Variants in KIAA1671 observed in about 807,000 individuals in gnomAD.
KIAA1671 encodes the protein KIAA1671.
In KIAA1671, 52 loss-of-function variants were observed where a neutral mutation model predicts 131.2. That is an observed-to-expected ratio of 0.40 (90% CI 0.32 to 0.50). The LOEUF (loss-of-function observed/expected upper bound fraction) is 0.50. Ranked by LOEUF, KIAA1671 falls within the 20% of genes least tolerant of loss-of-function variation. The pLI, the probability that KIAA1671 is intolerant of heterozygous loss-of-function variation, is 0.73. For missense variants in KIAA1671, 2,360 were observed against 2,364.2 expected (o/e 1.00, Z 0.04); for synonymous variants, 1,003 against 961.6 (o/e 1.04, Z -0.80).
intron 1 of KIAA1671, among the ~76,000 whole-genome samples, chr22:25,020,093 G>GT (rs1250284333): frequency 6.6e-6 from 1 of 152,214 alleles, no homozygotes; most frequent in Non-Finnish European, 1.5e-5. Context: ...TTGAAAAGAA[G>GT]TAAGTGTTTT....
intron 10 of KIAA1671, among the ~76,000 whole-genome samples, chr22:25,183,469 C>T (rs1274693264): frequency 1.0e-5 from 1 of 96,144 alleles, no homozygotes; most frequent in East Asian, 4.3e-4. Flanking sequence ...TCCCTCTCTT[C>T]CTTCCTTCCT....
intron 1 of KIAA1671, among the ~76,000 whole-genome samples, chr22:24,955,163 G>T (rs1921627672): frequency 6.6e-6 from 1 of 152,192 alleles, no homozygotes; most frequent in African/African-American, 2.4e-5. Flanking sequence ...TCCTCACCAG[G>T]CTACATCTCT....
At chr22:25,149,715 C>T (rs1452540596) in intron 6 of KIAA1671, among the ~76,000 whole-genome samples, 2 of 152,032 alleles carry the variant, frequency 1.3e-5, no homozygotes, top group African/African-American at 2.4e-5. Flanking sequence ...CTCCACTAGT[C>T]CCCGGACTCC....
At chr22:25,105,275 G>A (rs1056807564) in intron 6 of KIAA1671, among the ~76,000 whole-genome samples, 23 of 152,058 alleles carry the variant, frequency 1.5e-4, no homozygotes, top group African/African-American at 5.3e-4. Flanking sequence ...ACCCACCTGA[G>A]CCTCCCAAAG....
At chr22:24,989,778 T>C (rs1923742924) in intron 1 of KIAA1671, among the ~76,000 whole-genome samples, 1 of 152,040 alleles carries the variant, frequency 6.6e-6, no homozygotes, top group Non-Finnish European at 1.5e-5. Flanking sequence ...TTGTCTTAGC[T>C]GCAATTTTGG....
chr22:24,990,376 C>T (rs376889222), intron 1 of KIAA1671, among the ~76,000 whole-genome samples: 1 of 152,204 alleles, frequency 6.6e-6, no homozygotes, highest in Non-Finnish European at 1.5e-5. Flanking sequence ...AAGGTGTGAG[C>T]CACCTTGCCT....
chr22:25,041,296 C>G lies in KIAA1671; in HGVS notation c.4166C>G (p.Ala1389Gly). 6.4e-7 allele frequency: 1 copy of G among 1,551,730 alleles called. No homozygotes were observed. The change falls in exon 5 of 13, where the codon GCC becomes GGC. Residue 1389 changes from alanine to glycine, a missense_variant. Around this residue, in one of 3 missense-constraint regions of KIAA1671, gnomAD observed 1,161 missense variants for 1,204.7 expected, o/e 0.96. Coordinates refer to ENST00000358431, the MANE Select transcript of KIAA1671 (RefSeq NM_001145206.2). ...GGGCGGGGAGAGGAGGACAGTGTGG[C>G]CCAGTGGGGTGACCACCCACGTGAC... ...STGRGEEDSV[A>G]QWGDHPRDCG...
At chr22:25,088,479 G>T (rs1305540716) in intron 6 of KIAA1671, among the ~76,000 whole-genome samples, 1 of 152,130 alleles carries the variant, frequency 6.6e-6, no homozygotes, top group Admixed American at 6.5e-5. Context: ...GGGTACAGAG[G>T]TGCGGCCACC....
intron 1 of KIAA1671, among the ~76,000 whole-genome samples, chr22:24,961,961 CAACT>C (rs1922040991): frequency 6.6e-6 from 1 of 152,200 alleles, no homozygotes; most frequent in Non-Finnish European, 1.5e-5. Flanking sequence ...GGCAGTTCAC[CAACT>C]GAGTCTCAGT....
At chr22:25,180,376 T>TA (rs1934225057) in intron 9 of KIAA1671, among the ~76,000 whole-genome samples, 1 of 152,132 alleles carries the variant, frequency 6.6e-6, no homozygotes, top group African/African-American at 2.4e-5. Flanking sequence ...CCGTCTCTAC[T>TA]AAAAATACAA....
chr22:25,085,292 A>G (rs1929645407), intron 6 of KIAA1671, among the ~76,000 whole-genome samples: 1 of 152,226 alleles, frequency 6.6e-6, no homozygotes, highest in African/African-American at 2.4e-5. Flanking sequence ...CAGAGGAGCC[A>G]AGGGGAACCA....
chr22:25,030,415 G>C (rs1926219613), intron 3 of KIAA1671, among the ~76,000 whole-genome samples: 1 of 151,884 alleles, frequency 6.6e-6, no homozygotes, highest in Non-Finnish European at 1.5e-5. Context: ...GGCGCCTGTA[G>C]TCCCAGCTAC....
Position 25,193,635 on chromosome 22 carries a change from CT to C in KIAA1671, c.*1235del, listed in dbSNP as rs1189193881. The C allele has an allele frequency of 2.0e-5, 3 of 152,386 alleles. No homozygotes were observed. Among genetic ancestry groups the C allele is most frequent in the Admixed American group, 6.5e-5 (1 of 15,298 alleles). 9.4% of individuals were successfully genotyped at this position (152,386 alleles called of 1,614,324 possible). On this transcript the variant is annotated 3_prime_UTR_variant, in exon 13 of 13. Coordinates refer to ENST00000358431, the MANE Select transcript of KIAA1671 (RefSeq NM_001145206.2). The stretch of plus-strand genomic sequence containing the variant: ...CTTCCTCCCTCATCTTCCTTTACCC[CT>C]CTTCTCTGTCTTAGTGGGTGGATGG...
intron 1 of KIAA1671, among the ~76,000 whole-genome samples, chr22:25,003,914 T>A (rs1429884710): frequency 6.7e-6 from 1 of 149,560 alleles, no homozygotes; most frequent in Non-Finnish European, 1.5e-5. Flanking sequence ...GCCTCCTGGG[T>A]TCAAGCAGTT....
At chr22:25,166,576 C>T (rs566838911) in intron 6 of KIAA1671, among the ~76,000 whole-genome samples, 110 of 152,228 alleles carry the variant, frequency 7.2e-4, no homozygotes, top group African/African-American at 2.6e-3. Flanking sequence ...TTTTAAGAAC[C>T]TTTTGCCAAG....
rs114077067 is a variant in KIAA1671, at chr22:25,169,861, C to T, written c.4531-959C>T. ...TTGCCTGAAGCGCAGTGGTTTGGAC[C>T]TGGGGGTTGAATTCCACTTCGCTGG... On this transcript the variant is annotated intron_variant, in intron 6 of 12. Coordinates refer to ENST00000358431, the MANE Select transcript of KIAA1671 (RefSeq NM_001145206.2). Among the ~76,000 whole-genome samples the T allele has an allele frequency of 7.2e-3, 1,102 of 152,286 alleles. 15 individuals are homozygous for T. Among genetic ancestry groups the T allele is most frequent in the African/African-American group, 0.026 (1,060 of 41,554 alleles).
At position 25,170,859 on chromosome 22, in the gene KIAA1671, C is replaced by T. The variant is rs1314131133; in HGVS notation, c.4570C>T (p.Pro1524Ser). 7 of 1,551,558 alleles carry T rather than the reference C, an allele frequency of 4.5e-6. No individual in the cohort carries two copies. Among genetic ancestry groups the T allele is most frequent in the Non-Finnish European group, 6.1e-6 (7 of 1,147,014 alleles). Reference protein sequence around the residue: ...KQCFSRQPTEPKDTDTLVHEA... With the variant: ...KQCFSRQPTESKDTDTLVHEA... The stretch of plus-strand genomic sequence containing the variant: ...GTGTTTCTCCCGGCAGCCCACTGAA[C>T]CCAAGGACACTGACACCCTCGTGCA... Residue 1524 changes from proline to serine, a missense_variant, in exon 7 of 13, where the codon CCC becomes TCC. Coordinates refer to ENST00000358431, the MANE Select transcript of KIAA1671 (RefSeq NM_001145206.2).
intron 1 of KIAA1671, among the ~76,000 whole-genome samples, chr22:24,966,187 C>A (rs149653924): frequency 1.4e-4 from 21 of 152,334 alleles, no homozygotes; most frequent in Middle Eastern, 3.4e-3. Context: ...AGGCTCCCAG[C>A]TGACTTTGTG....
chr22:25,181,270 CTGGTCCACCT>C (rs1445401745), intron 9 of KIAA1671, among the ~76,000 whole-genome samples: 1 of 152,240 alleles, frequency 6.6e-6, no homozygotes, highest in African/African-American at 2.4e-5. Flanking sequence ...AAATGGCTTC[CTGGTCCACCT>C]TTGGGCCGCC....
Sources: gnomAD v4.1 joint callset for allele counts (sites outside exome capture counted in the v4.1 genomes callset) on GRCh38, gnomAD v4.1.1 for gene constraint, gnomAD v4.1.1 regional missense constraint, MANE v1.5 for transcripts, NCBI Gene and HGNC (gene_info 2026-07-23, HGNC 2026-07-21) for gene names.